Variants in EYA4 observed in about 807,000 individuals in gnomAD.
EYA4 encodes the protein protein phosphatase EYA4.
In EYA4, 31 loss-of-function variants were observed where a neutral mutation model predicts 87.9. The ratio of observed to expected loss-of-function variants is 0.35; its 90% CI spans 0.27 to 0.48. The LOEUF (loss-of-function observed/expected upper bound fraction) is 0.48. EYA4 is among the 20% of genes least tolerant of loss of function. The pLI is 0.99. For missense variants in EYA4, 678 were observed against 761.4 expected, an observed-to-expected ratio of 0.89 and a Z score of 1.29; for synonymous variants, 263 against 270.6, an observed-to-expected ratio of 0.97 and a Z score of 0.28.
intron 3 of EYA4, among the ~76,000 whole-genome samples, chr6:133,406,466 T>C (rs1445451725): frequency 6.6e-6 from 1 of 152,226 alleles, no homozygotes. Context: ...GTGCAGGATC[T>C]GTGAAGGCAG....
chr6:133,515,645 G>A (rs1562509239), intron 17 of EYA4, among the ~76,000 whole-genome samples: 3 of 151,932 alleles, frequency 2.0e-5, no homozygotes, highest in African/African-American at 7.2e-5. Flanking sequence ...GTGTGTGTGT[G>A]TGTGTGTGTG....
intron 2 of EYA4, among the ~76,000 whole-genome samples, chr6:133,311,241 T>C (rs990715971): frequency 6.6e-6 from 1 of 152,196 alleles, no homozygotes; most frequent in African/African-American, 2.4e-5. Flanking sequence ...CTTCTGGCAG[T>C]GTCCCTTCCT....
At chr6:133,445,703 G>A (rs562182401) in intron 3 of EYA4, among the ~76,000 whole-genome samples, 11 of 151,594 alleles carry the variant, frequency 7.3e-5, no homozygotes, top group East Asian at 1.9e-4. Flanking sequence ...CTCAGCCTCC[G>A]GAGTAGCTGG....
chr6:133,487,027 C>T (rs918393884), intron 13 of EYA4, among the ~76,000 whole-genome samples: 2 of 152,288 alleles, frequency 1.3e-5, no homozygotes, highest in African/African-American at 4.8e-5. Flanking sequence ...ACCACCACCC[C>T]ACACCAGTCT....
At chr6:133,388,311 G>A (rs1446543403) in intron 3 of EYA4, among the ~76,000 whole-genome samples, 2 of 151,542 alleles carry the variant, frequency 1.3e-5, no homozygotes, top group Admixed American at 1.3e-4. Flanking sequence ...GGAGGCTGAG[G>A]CACGAGAATC....
At chr6:133,357,076 C>T (rs1190588269) in intron 2 of EYA4, among the ~76,000 whole-genome samples, 80 of 151,832 alleles carry the variant, frequency 5.3e-4, no homozygotes, top group African/African-American at 1.8e-3. Flanking sequence ...TCGAGACCAT[C>T]CTGGCTAAAA....
intron 19 of EYA4, among the ~76,000 whole-genome samples, chr6:133,528,489 A>G (rs529412681): frequency 1.3e-4 from 20 of 152,140 alleles, no homozygotes; most frequent in Non-Finnish European, 2.4e-4. Context: ...AATATTTGCT[A>G]TTATTCTCAT....
In EYA4 at chr6:133,464,824, T is replaced by C. The variant is rs1794706639; in HGVS notation, c.770T>C (p.Val257Ala). 2.5e-6 allele frequency: 4 copies of C among 1,611,598 alleles called. No individual in the cohort carries two copies. The highest frequency in any genetic ancestry group is 3.4e-6 in the Non-Finnish European group (4 of 1,178,486). Residue 257 changes from valine to alanine, a missense_variant, in exon 10 of 20, where the codon GTT becomes GCT. Physicochemically the swap from Val to Ala is moderately conservative, Grantham distance 64. Coordinates refer to ENST00000355286, the MANE Select transcript of EYA4 (RefSeq NM_004100.5). ...PSSTIYANNS[V>A]SNSTNFSGSQ... ...TCTACTATTTATGCAAATAATTCAGTTTCCAATTCAACGAATTTCAGTGGT... is the reference window on the plus strand; with the variant it reads ...TCTACTATTTATGCAAATAATTCAGCTTCCAATTCAACGAATTTCAGTGGT...
intron 2 of EYA4, among the ~76,000 whole-genome samples, chr6:133,303,318 T>A (rs1331654181): frequency 6.6e-6 from 1 of 152,224 alleles, no homozygotes; most frequent in Non-Finnish European, 1.5e-5. Flanking sequence ...CTTTATGTCT[T>A]CTTGTCATTT....
At chr6:133,307,342 T>G (rs1779889483) in intron 2 of EYA4, among the ~76,000 whole-genome samples, 1 of 152,214 alleles carries the variant, frequency 6.6e-6, no homozygotes, top group Admixed American at 6.5e-5. Context: ...GAGATAAAAT[T>G]CAAGTTTGTA....
At chr6:133,462,575 A>G (rs754455728) in intron 8 of EYA4, 46 bp from the exon 9 acceptor site, 1 of 1,613,492 alleles carries the variant, frequency 6.2e-7, no homozygotes, top group South Asian at 1.1e-5. Context: ...TAGAAGGAAA[A>G]TCATCTTACT....
intron 11 of EYA4, among the ~76,000 whole-genome samples, chr6:133,478,984 A>G (rs1795979678): frequency 6.6e-6 from 1 of 152,154 alleles, no homozygotes; most frequent in Non-Finnish European, 1.5e-5. Context: ...AAGTTGCCTT[A>G]TGATAGTTAA....
intron 11 of EYA4, among the ~76,000 whole-genome samples, chr6:133,477,813 GACACAC>G (rs10538879): frequency 1.3e-5 from 2 of 149,766 alleles, no homozygotes; most frequent in African/African-American, 2.5e-5. Flanking sequence ...GTTTAAGTCA[GACACAC>G]ACACACACAC....
At chr6:133,416,828 G>C (rs1262738680) in intron 3 of EYA4, among the ~76,000 whole-genome samples, 1 of 152,174 alleles carries the variant, frequency 6.6e-6, no homozygotes, top group Admixed American at 6.5e-5. Flanking sequence ...ACATGAATAG[G>C]AGAATAGGGC....
chr6:133,357,417 ATGT>A (rs904611924), intron 2 of EYA4, among the ~76,000 whole-genome samples: 1 of 152,160 alleles, frequency 6.6e-6, no homozygotes, highest in African/African-American at 2.4e-5. Context: ...AAATATCTGA[ATGT>A]TGTTGAAGTA....
intron 12 of EYA4, among the ~76,000 whole-genome samples, chr6:133,482,543 C>G (rs1796306244): frequency 6.6e-6 from 1 of 152,198 alleles, no homozygotes; most frequent in South Asian, 2.1e-4. Context: ...AATTTGAAAT[C>G]CTTCAAAACT....
intron 16 of EYA4, among the ~76,000 whole-genome samples, chr6:133,514,232 T>C (rs1480990248): frequency 6.6e-6 from 1 of 152,226 alleles, no homozygotes; most frequent in African/African-American, 2.4e-5. Context: ...ATTTCCTGAT[T>C]TGCTCTAGTG....
At chr6:133,294,963 A>G (rs1162326667) in intron 2 of EYA4, among the ~76,000 whole-genome samples, 2 of 152,206 alleles carry the variant, frequency 1.3e-5, no homozygotes, top group East Asian at 3.9e-4. Flanking sequence ...AGTATCTAAC[A>G]TATTGTATTT....
rs575777838 is a variant in EYA4, at chr6:133,317,624, A to G, written c.33+42811A>G. On this transcript the variant is annotated intron_variant, in intron 2 of 19. Transcript: ENST00000355286. ...AATAATCATAAAATAATACATCTCAATGTTCTGGAGTAAAATTGTTATTAA... is the reference window on the plus strand; with the variant it reads ...AATAATCATAAAATAATACATCTCAGTGTTCTGGAGTAAAATTGTTATTAA... Among the ~76,000 whole-genome samples, 517 of 152,290 alleles carry G rather than the reference A, an allele frequency of 3.4e-3. 4 individuals carry two copies. Among genetic ancestry groups the G allele is most frequent in the African/African-American group, 0.011 (467 of 41,560 alleles).
Sources: gnomAD v4.1 joint callset for allele counts (sites outside exome capture counted in the v4.1 genomes callset) on GRCh38, gnomAD v4.1.1 for gene constraint, MANE v1.5 for transcripts, NCBI Gene and HGNC (gene_info 2026-07-23, HGNC 2026-07-21) for gene names.